ZC3H12B: variants seen among roughly 807,000 people sequenced by gnomAD.
The protein encoded by ZC3H12B is zinc finger CCCH-type containing 12B.
Under a neutral mutation model 43.9 loss-of-function variants are expected in ZC3H12B, and 7 were observed. That is an observed-to-expected ratio of 0.16 (90% CI 0.09 to 0.30). The LOEUF (loss-of-function observed/expected upper bound fraction) is 0.30, where lower values mean the gene tolerates loss of function less well. Among genes scored for constraint, ZC3H12B ranks in the 10% least tolerant of loss-of-function variants. The pLI is 1.00. For missense variants in ZC3H12B, 475 were observed against 670.2 expected (o/e 0.71, Z 3.22); for synonymous variants, 222 against 241.7 (o/e 0.92, Z 0.76).
chrX:65,347,963 C>A, the ZC3H12B span, among the ~76,000 whole-genome samples: 2 of 111,741 alleles, frequency 1.8e-5, no homozygotes, highest in African/African-American at 6.5e-5. Flanking sequence ...TGGAAACCAA[C>A]ATTCTCAGCA....
the ZC3H12B span, among the ~76,000 whole-genome samples, chrX:65,121,074 G>T: frequency 1.8e-5 from 2 of 111,097 alleles, no homozygotes; most frequent in South Asian, 7.6e-4. Context: ...GAGGATTTTT[G>T]CATCAATGTT....
At chrX:65,148,641 C>T in the ZC3H12B span, among the ~76,000 whole-genome samples, 1 of 111,215 alleles carries the variant, frequency 9.0e-6, no homozygotes, top group Non-Finnish European at 1.9e-5. Context: ...CTCTTCTTCT[C>T]CCAAGCAGAG....
intron 3 of ZC3H12B, among the ~76,000 whole-genome samples, chrX:65,411,851 G>A (rs2066907114): frequency 9.2e-6 from 1 of 109,068 alleles, no homozygotes; most frequent in Non-Finnish European, 1.9e-5. Flanking sequence ...CACATTGCCT[G>A]CTTATATCAA....
intron 3 of ZC3H12B, among the ~76,000 whole-genome samples, chrX:65,427,324 C>T (rs768700255): frequency 9.0e-6 from 1 of 110,526 alleles, no homozygotes; most frequent in East Asian, 2.8e-4. Flanking sequence ...GATTTCTCTC[C>T]ATCCCTTTAT....
chrX:65,352,805 C>T, the ZC3H12B span, among the ~76,000 whole-genome samples: 1 of 111,844 alleles, frequency 8.9e-6, no homozygotes, highest in East Asian at 2.8e-4. Flanking sequence ...ACTTTTTCAC[C>T]ATCATTGTAT....
chrX:65,312,080 A>C, the ZC3H12B span, among the ~76,000 whole-genome samples: 2 of 111,639 alleles, frequency 1.8e-5, no homozygotes, highest in Admixed American at 9.5e-5. Flanking sequence ...CCAACATGGC[A>C]TATGTATATC....
intron 3 of ZC3H12B, among the ~76,000 whole-genome samples, chrX:65,454,444 C>A (rs1193278657): frequency 1.8e-5 from 2 of 112,218 alleles, no homozygotes; most frequent in Non-Finnish European, 3.8e-5. Flanking sequence ...GGGCGCCCAC[C>A]ATTGCCGAGG....
chrX:65,163,751 A>G, the ZC3H12B span, among the ~76,000 whole-genome samples: 2 of 111,293 alleles, frequency 1.8e-5, no homozygotes, highest in African/African-American at 6.6e-5. Context: ...GCCCTGCTTC[A>G]GCTCACGCAT....
chrX:65,240,179 G>T, the ZC3H12B span, among the ~76,000 whole-genome samples: 1 of 111,717 alleles, frequency 9.0e-6, no homozygotes, highest in African/African-American at 3.3e-5. Flanking sequence ...TTCCAAGTTT[G>T]TTCCATTCTT....
intron 2 of ZC3H12B, among the ~76,000 whole-genome samples, chrX:65,377,231 A>T (rs1462598922): frequency 9.1e-6 from 1 of 109,854 alleles, no homozygotes; most frequent in Non-Finnish European, 1.9e-5. Context: ...GACAAAAAAA[A>T]AAGAATAAAA....
At chrX:65,393,288 T>C (rs1044794173) in intron 2 of ZC3H12B, among the ~76,000 whole-genome samples, 1 of 112,435 alleles carries the variant, frequency 8.9e-6, no homozygotes, top group Non-Finnish European at 1.9e-5. Flanking sequence ...CTTTCTTTTT[T>C]AATTTAATTT....
the ZC3H12B span, among the ~76,000 whole-genome samples, chrX:65,074,860 A>T: frequency 8.9e-6 from 1 of 111,844 alleles, no homozygotes; most frequent in Non-Finnish European, 1.9e-5. Flanking sequence ...TTATTTATGT[A>T]TCCTATTGTT....
chrX:65,157,548 C>T, the ZC3H12B span, among the ~76,000 whole-genome samples: 1 of 111,363 alleles, frequency 9.0e-6, no homozygotes, highest in Non-Finnish European at 1.9e-5. Flanking sequence ...TTACCTAGTA[C>T]ATTTTTCCCC....
chrX:65,486,694 C>T (rs2068128157), upstream of ZC3H12B, among the ~76,000 whole-genome samples: 2 of 112,214 alleles, frequency 1.8e-5, no homozygotes, highest in African/African-American at 6.5e-5. Context: ...ATAAGGGTTT[C>T]CTATGTTTGT....
intron 1 of ZC3H12B, among the ~76,000 whole-genome samples, chrX:65,367,840 A>G (rs1322721161): frequency 2.7e-5 from 3 of 111,398 alleles, no homozygotes; most frequent in Admixed American, 9.6e-5. Context: ...CGGCACCAAG[A>G]AACAACACAA....
intron 3 of ZC3H12B, among the ~76,000 whole-genome samples, chrX:65,406,425 G>C (rs866647265): frequency 1.3e-4 from 14 of 103,815 alleles, no homozygotes; most frequent in South Asian, 1.3e-3. Flanking sequence ...ATGCCAAAAA[G>C]CTTTTGATAA....
chrX:65,324,619 G>C, the ZC3H12B span, among the ~76,000 whole-genome samples: 1 of 110,799 alleles, frequency 9.0e-6, no homozygotes, highest in Admixed American at 9.6e-5. Flanking sequence ...AATTTCTTCT[G>C]TTATTGATTT....
chrX:65,471,105 C>T (rs923991452), intron 3 of ZC3H12B, among the ~76,000 whole-genome samples: 1 of 111,397 alleles, frequency 9.0e-6, no homozygotes. Flanking sequence ...CTTCAGTGAG[C>T]TGTCTAGTGC....
the ZC3H12B span, among the ~76,000 whole-genome samples, chrX:65,189,207 G>A: frequency 9.5e-6 from 1 of 104,981 alleles, no homozygotes; most frequent in Non-Finnish European, 1.9e-5. Flanking sequence ...TGTTGGACAT[G>A]TGGGTTGGTT....
Sources: allele counts gnomAD v4.1 joint callset (sites outside exome capture counted in the v4.1 genomes callset), GRCh38; gene constraint gnomAD v4.1.1; transcripts MANE v1.5; gene names NCBI Gene and HGNC (gene_info 2026-07-23, HGNC 2026-07-21).